The following MSRA variants were observed in gnomAD, a reference collection of about 807,000 sequenced individuals.
MSRA encodes the protein mitochondrial peptide methionine sulfoxide reductase.
MSRA carries 54 observed loss-of-function variants against 31.3 expected under a neutral mutation model. That is an observed-to-expected ratio of 1.73 (90% CI 1.39 to 2.17). The LOEUF is 2.17. Ranked by LOEUF, MSRA falls within the 30% of genes most tolerant of loss-of-function variation. The probability of loss-of-function intolerance (pLI) is 0.00; values close to 1 mark genes in which losing one functional copy is unlikely to be tolerated. For synonymous variants in MSRA, 169 were observed against 116.5 expected, an observed-to-expected ratio of 1.45 and a Z score of -2.90; for missense variants, 507 against 300.9, an observed-to-expected ratio of 1.69 and a Z score of -5.07.
At chr8:10,166,755 T>C (rs1230020855) in intron 1 of MSRA, among the ~76,000 whole-genome samples, 3 of 152,208 alleles carry the variant, frequency 2.0e-5, no homozygotes, top group African/African-American at 4.8e-5. Context: ...GGGCCCTTGC[T>C]TGTTGGTGGT....
intron 1 of MSRA, among the ~76,000 whole-genome samples, chr8:10,143,096 C>G (rs990458817): frequency 6.6e-6 from 1 of 152,046 alleles, no homozygotes; most frequent in Admixed American, 6.5e-5. Context: ...AAGAATTAAG[C>G]GTAATTTTTA....
chr8:10,320,854 TC>T (rs1802008647), intron 5 of MSRA, among the ~76,000 whole-genome samples: 1 of 152,208 alleles, frequency 6.6e-6, no homozygotes, highest in Non-Finnish European at 1.5e-5. Flanking sequence ...TGCGTGTGTT[TC>T]TTTGTCCAAG....
rs184027343 is a variant in MSRA, at chr8:10,308,839, C to G, written c.436+7201C>G. On this transcript the variant is annotated intron_variant, in intron 4 of 5. Transcript: ENST00000317173. Reference sequence around the variant, plus strand: ...AGGCAAGACTGCAAGTCTTTGGAACCTCATTGCTTCTCTTCTGCTAAGCAA... The same window carrying G: ...AGGCAAGACTGCAAGTCTTTGGAACGTCATTGCTTCTCTTCTGCTAAGCAA... Among the ~76,000 whole-genome samples the G allele has an allele frequency of 2.3e-3, 349 of 152,324 alleles. 3 individuals are homozygous for G. The highest frequency in any genetic ancestry group is 8.1e-3 in the African/African-American group (338 of 41,574).
At chr8:10,252,642 C>G (rs1014442637) in intron 3 of MSRA, among the ~76,000 whole-genome samples, 1 of 152,234 alleles carries the variant, frequency 6.6e-6, no homozygotes, top group Admixed American at 6.5e-5. Context: ...AATTGGCTTC[C>G]TGGCCTGGGC....
chr8:10,169,207 G>C (rs917539747), intron 1 of MSRA, among the ~76,000 whole-genome samples: 2 of 152,144 alleles, frequency 1.3e-5, no homozygotes, highest in Non-Finnish European at 2.9e-5. Context: ...CCCCTTCATT[G>C]GTCTAATGGG....
At chr8:10,423,472 G>C (rs1808935673) in intron 5 of MSRA, among the ~76,000 whole-genome samples, 2 of 152,026 alleles carry the variant, frequency 1.3e-5, no homozygotes, top group South Asian at 4.1e-4. Flanking sequence ...TGCATAGCTT[G>C]GCCCCGGTGC....
chr8:10,235,846 G>A (rs756637627), intron 2 of MSRA, among the ~76,000 whole-genome samples: 4 of 152,046 alleles, frequency 2.6e-5, no homozygotes, highest in Non-Finnish European at 4.4e-5. Flanking sequence ...TCTGGACAAG[G>A]ACATTATAAG....
chr8:10,372,755 A>C (rs1344546953), intron 5 of MSRA, among the ~76,000 whole-genome samples: 1 of 152,268 alleles, frequency 6.6e-6, no homozygotes, highest in East Asian at 1.9e-4. Context: ...TAATTTAAAT[A>C]ATAGCTACTA....
intron 4 of MSRA, among the ~76,000 whole-genome samples, chr8:10,310,776 T>C (rs974057048): frequency 6.6e-6 from 1 of 152,212 alleles, no homozygotes; most frequent in Non-Finnish European, 1.5e-5. Flanking sequence ...GTTCTTTCTG[T>C]TGGGTAGCAC....
chr8:10,078,766 G>C (rs1047970108), intron 1 of MSRA, among the ~76,000 whole-genome samples: 1 of 152,132 alleles, frequency 6.6e-6, no homozygotes, highest in Non-Finnish European at 1.5e-5. Context: ...TGGATTCTTT[G>C]ACCAAAAACA....
chr8:10,097,772 C>T (rs543353993), intron 1 of MSRA, among the ~76,000 whole-genome samples: 113 of 152,052 alleles, frequency 7.4e-4, no homozygotes, highest in African/African-American at 2.6e-3. Context: ...GCAGTATGAT[C>T]AAAAGTAGGT....
chr8:10,230,076 C>G (rs1004982078), intron 2 of MSRA, among the ~76,000 whole-genome samples: 5 of 152,114 alleles, frequency 3.3e-5, no homozygotes, highest in Non-Finnish European at 7.3e-5. Flanking sequence ...TTTTTTCCAC[C>G]CGAGGAGCCT....
rs183372887 is a variant in MSRA, at chr8:10,101,190, T to G, written c.142+46532T>G. On this transcript the variant is annotated intron_variant, in intron 1 of 5. Transcript: ENST00000317173. ...TGGTTGTGGGACTTTGGCCAAGTTA[T>G]GTAAACCTAATTTCTTCATCTGCAG... Among the ~76,000 whole-genome samples, 5 of 152,306 alleles carry G rather than the reference T, an allele frequency of 3.3e-5. No individual in the cohort carries two copies. The East Asian group carries it at 9.7e-4, about 29-fold the overall frequency.
chr8:10,203,128 A>G (rs10097315), intron 1 of MSRA, among the ~76,000 whole-genome samples: 81,783 of 151,934 alleles, frequency 0.54, 23,467 homozygotes, highest in African/African-American at 0.76. Flanking sequence ...GACAAGACAA[A>G]GCCGCCAGGG....
At chr8:10,101,172 G>C (rs1462251369) in intron 1 of MSRA, among the ~76,000 whole-genome samples, 1 of 152,090 alleles carries the variant, frequency 6.6e-6, no homozygotes, top group African/African-American at 2.4e-5. Context: ...TTTTGGTTGT[G>C]GGACTTTGGC....
intron 1 of MSRA, among the ~76,000 whole-genome samples, chr8:10,159,249 C>A (rs1013641743): frequency 6.6e-6 from 1 of 152,152 alleles, no homozygotes; most frequent in African/African-American, 2.4e-5. Flanking sequence ...TGGGCACCTG[C>A]GTGAGGCCAT....
chr8:10,109,124 C>G (rs898836128), intron 1 of MSRA, among the ~76,000 whole-genome samples: 10 of 152,140 alleles, frequency 6.6e-5, no homozygotes, highest in African/African-American at 2.4e-4. Context: ...AATTGTTGAG[C>G]ATAGCAAAAC....
At chr8:10,413,218 C>G (rs1808259548) in intron 5 of MSRA, among the ~76,000 whole-genome samples, 1 of 152,186 alleles carries the variant, frequency 6.6e-6, no homozygotes, top group Admixed American at 6.5e-5. Flanking sequence ...GTCCCTGAAG[C>G]TTCCTGTGCT....
chr8:10,165,471 G>A (rs987394909), intron 1 of MSRA, among the ~76,000 whole-genome samples: 1 of 152,156 alleles, frequency 6.6e-6, no homozygotes, highest in Non-Finnish European at 1.5e-5. Flanking sequence ...TTTTCTAATG[G>A]CTTCCTGACA....
Sources: allele counts gnomAD v4.1 joint callset (sites outside exome capture counted in the v4.1 genomes callset), GRCh38; gene constraint gnomAD v4.1.1; transcripts MANE v1.5; gene names NCBI Gene and HGNC (gene_info 2026-07-23, HGNC 2026-07-21).